The following SGCD variants were observed in gnomAD, a reference collection of about 807,000 sequenced individuals.
SGCD encodes delta-sarcoglycan.
SGCD carries 18 observed loss-of-function variants against 36.6 expected under a neutral mutation model. The observed-to-expected ratio is 0.49, with a 90% CI of 0.34 to 0.73. The LOEUF (loss-of-function observed/expected upper bound fraction) is 0.73. SGCD is among the 30% of genes least tolerant of loss of function. The pLI is 0.01. For missense variants in SGCD, 387 were observed against 346.7 expected, an observed-to-expected ratio of 1.12 and a Z score of -0.92; for synonymous variants, 133 against 130.6, an observed-to-expected ratio of 1.02 and a Z score of -0.12.
intron 3 of SGCD, among the ~76,000 whole-genome samples, chr5:156,299,695 G>A (rs572069672): frequency 6.6e-6 from 1 of 152,150 alleles, no homozygotes; most frequent in East Asian, 1.9e-4. Flanking sequence ...TTTATTTGTA[G>A]TTGTAGTAAA....
At chr5:156,556,282 GC>G (rs1391718607) in intron 4 of SGCD, among the ~76,000 whole-genome samples, 3 of 152,014 alleles carry the variant, frequency 2.0e-5, no homozygotes, top group Non-Finnish European at 2.9e-5. Context: ...ATTATTTGTT[GC>G]CTAAAGCCTC....
At chr5:156,507,898 AT>A (rs1381620434) in intron 3 of SGCD, among the ~76,000 whole-genome samples, 3 of 152,198 alleles carry the variant, frequency 2.0e-5, no homozygotes, top group African/African-American at 7.2e-5. Context: ...AAATTTGAAC[AT>A]GGACAATAGG....
At chr5:155,925,490 A>G (rs1457083620) in intron 1 of SGCD, among the ~76,000 whole-genome samples, 1 of 151,160 alleles carries the variant, frequency 6.6e-6, no homozygotes, top group Non-Finnish European at 1.5e-5. Flanking sequence ...AATCCTTGGC[A>G]CTCCTTGGCT....
At chr5:156,569,922 C>T (rs11742816) in intron 4 of SGCD, among the ~76,000 whole-genome samples, 34,000 of 152,062 alleles carry the variant, frequency 0.22, 4,595 homozygotes, top group Non-Finnish European at 0.31. Context: ...TAGTAGCAGA[C>T]CGGATCATGT....
At chr5:156,652,232 A>G (rs763628535) in intron 7 of SGCD, among the ~76,000 whole-genome samples, 32 of 151,976 alleles carry the variant, frequency 2.1e-4, no homozygotes, top group Non-Finnish European at 3.8e-4. Context: ...TGTAATCCCA[A>G]TGTTTTGGGA....
intron 3 of SGCD, among the ~76,000 whole-genome samples, chr5:156,231,350 C>G (rs1224358360): frequency 6.6e-6 from 1 of 152,138 alleles, no homozygotes; most frequent in African/African-American, 2.4e-5. Flanking sequence ...GCCTGGCCAA[C>G]ATGGTGAAAC....
intron 1 of SGCD, among the ~76,000 whole-genome samples, chr5:156,099,121 T>C (rs72807758): frequency 0.014 from 2,163 of 152,292 alleles, 28 homozygotes; most frequent in South Asian, 0.023. Flanking sequence ...AGAGAGACAA[T>C]ACATCTGGTT....
chr5:156,037,783 A>C (rs1038097644), intron 1 of SGCD, among the ~76,000 whole-genome samples: 8 of 152,214 alleles, frequency 5.3e-5, no homozygotes, highest in Admixed American at 3.3e-4. Context: ...AGACTAGGCT[A>C]TCTAGAAAGA....
chr5:156,647,499 A>T lies in SGCD; in HGVS notation c.538A>T (p.Thr180Ser), dbSNP rs1187720404. The change falls in exon 7 of 9, where the codon ACA (threonine) becomes TCA (serine). Residue 180 changes from threonine (T) to serine (S), a missense_variant. Physicochemically the swap from Thr to Ser is moderately conservative, Grantham distance 58. Transcript: ENST00000337851. ...CACAGTGTTCCCTAAATCTATAGAA[A>T]CACCTAATGTCAGGGCAGACCCCTT... ...EGTVFPKSIE[T>S]PNVRADPFKE... 1 of 1,587,534 alleles carries T rather than the reference A, an allele frequency of 6.3e-7. No homozygotes were observed.
intron 1 of SGCD, among the ~76,000 whole-genome samples, chr5:155,961,939 G>A (rs955785147): frequency 6.6e-6 from 1 of 152,096 alleles, no homozygotes; most frequent in African/African-American, 2.4e-5. Context: ...AGGGGATTAA[G>A]CAAATAATTA....
chr5:156,534,676 G>C (rs1758025081), intron 4 of SGCD, among the ~76,000 whole-genome samples: 1 of 152,176 alleles, frequency 6.6e-6, no homozygotes, highest in Non-Finnish European at 1.5e-5. Context: ...TGTGTGTGAA[G>C]CTTGGTTTTG....
intron 1 of SGCD, among the ~76,000 whole-genome samples, chr5:155,913,928 A>C (rs1302456206): frequency 6.6e-6 from 1 of 152,212 alleles, no homozygotes; most frequent in Non-Finnish European, 1.5e-5. Flanking sequence ...TATAGGCTAG[A>C]AATCTAAACC....
intron 3 of SGCD, among the ~76,000 whole-genome samples, chr5:156,378,646 G>T (rs1770810034): frequency 6.6e-6 from 1 of 151,936 alleles, no homozygotes; most frequent in South Asian, 2.1e-4. Flanking sequence ...TTTCAAAAAA[G>T]ACTTTTCCTA....
At chr5:155,775,371 A>G in the SGCD span, among the ~76,000 whole-genome samples, 1 of 152,096 alleles carries the variant, frequency 6.6e-6, no homozygotes, top group Non-Finnish European at 1.5e-5. Context: ...GATGCTTTGC[A>G]TGTATTAACT....
At chr5:156,024,159 A>G (rs1759172349) in intron 1 of SGCD, among the ~76,000 whole-genome samples, 1 of 152,164 alleles carries the variant, frequency 6.6e-6, no homozygotes, top group African/African-American at 2.4e-5. Flanking sequence ...TTCTTCTACA[A>G]AAGTGAATGG....
chr5:155,898,428 G>T (rs1169283616), intron 1 of SGCD, among the ~76,000 whole-genome samples: 1 of 152,154 alleles, frequency 6.6e-6, no homozygotes, highest in Non-Finnish European at 1.5e-5. Flanking sequence ...GGAGTTCATA[G>T]TCTTTTAGAT....
At chr5:156,475,201 A>T (rs185673657) in intron 3 of SGCD, among the ~76,000 whole-genome samples, 225 of 152,228 alleles carry the variant, frequency 1.5e-3, no homozygotes, top group African/African-American at 5.2e-3. Flanking sequence ...TCTCCAAGAT[A>T]CCCATTCATT....
chr5:155,753,375 G>A, the SGCD span, among the ~76,000 whole-genome samples: 1 of 151,606 alleles, frequency 6.6e-6, no homozygotes. Flanking sequence ...ATCTCAACTA[G>A]CTCTGTTTGT....
At position 156,696,785 on chromosome 5, in the gene SGCD, C is replaced by G. The variant is rs543026354; in HGVS notation, c.575+49249C>G. Reference sequence around the variant, plus strand: ...TTGGCCTCCCAAAGTGCTGGGATTACAGGTGTGAGCCACAGCAACCAGCCC... The same window carrying G: ...TTGGCCTCCCAAAGTGCTGGGATTAGAGGTGTGAGCCACAGCAACCAGCCC... On this transcript the variant is annotated intron_variant, in intron 7 of 8. Coordinates refer to ENST00000337851, the MANE Select transcript of SGCD (RefSeq NM_000337.6). Among the ~76,000 whole-genome samples the G allele has an allele frequency of 1.1e-4, 16 of 152,250 alleles. No homozygotes were observed. The East Asian group carries it at 2.9e-3, about 28-fold the overall frequency.
Sources: gnomAD v4.1 joint callset for allele counts (sites outside exome capture counted in the v4.1 genomes callset) on GRCh38, gnomAD v4.1.1 for gene constraint, MANE v1.5 for transcripts, NCBI Gene and HGNC (gene_info 2026-07-23, HGNC 2026-07-21) for gene names.